TAOK3: variants seen among roughly 807,000 people sequenced by gnomAD.
TAOK3 encodes serine/threonine-protein kinase TAO3.
Under a neutral mutation model 120.4 loss-of-function variants are expected in TAOK3, and 40 were observed. The observed-to-expected ratio is 0.33, with a 90% CI of 0.26 to 0.43. The LOEUF (loss-of-function observed/expected upper bound fraction) is 0.43, where lower values mean the gene tolerates loss of function less well. Ranked by LOEUF, TAOK3 falls within the 20% of genes least tolerant of loss-of-function variation. The probability of loss-of-function intolerance (pLI) is 1.00; values close to 1 mark genes in which losing one functional copy is unlikely to be tolerated. For missense variants in TAOK3, 821 were observed against 1,112.1 expected (o/e 0.74, Z 3.72); for synonymous variants, 355 against 387.5 (o/e 0.92, Z 0.99).
intron 14 of TAOK3, among the ~76,000 whole-genome samples, chr12:118,188,716 T>C (rs2037227249): frequency 6.6e-6 from 1 of 152,066 alleles, no homozygotes; most frequent in South Asian, 2.1e-4. Context: ...ACAAGAAAAA[T>C]GATCATTTCT....
intron 14 of TAOK3, among the ~76,000 whole-genome samples, chr12:118,188,850 T>C (rs1319813169): frequency 6.6e-6 from 1 of 152,224 alleles, no homozygotes; most frequent in Non-Finnish European, 1.5e-5. Flanking sequence ...TTTCAATAAT[T>C]TTTTGGCTGA....
At chr12:118,307,151 T>C (rs1485096465) in intron 1 of TAOK3, among the ~76,000 whole-genome samples, 1 of 152,180 alleles carries the variant, frequency 6.6e-6, no homozygotes, top group African/African-American at 2.4e-5. Context: ...TCTTGACCAA[T>C]TGTGCAAGAA....
intron 1 of TAOK3, among the ~76,000 whole-genome samples, chr12:118,342,293 C>G (rs1179953771): frequency 2.0e-5 from 3 of 152,164 alleles, no homozygotes; most frequent in African/African-American, 2.4e-5. Flanking sequence ...AATTTGTTAA[C>G]AGATACTACT....
intron 6 of TAOK3, 142 bp downstream of exon 6, chr12:118,239,085 G>C: frequency 1.6e-6 from 1 of 640,960 alleles, no homozygotes; most frequent in Non-Finnish European, 2.8e-6. Flanking sequence ...TTGAAGAGAG[G>C]AAGTGTGCAT....
Position 118,219,505 on chromosome 12 carries a change from G to A in TAOK3, c.644-5395C>T, listed in dbSNP as rs142506405. Among the ~76,000 whole-genome samples, 1,080 of 151,996 alleles carry A rather than the reference G, an allele frequency of 7.1e-3. 7 individuals carry two copies. Among genetic ancestry groups the A allele is most frequent in the Middle Eastern group, 0.017 (5 of 294 alleles). Reference sequence around the variant, plus strand: ...TATGTGTTTATAATCACTTCCTCAGGGAAACCTTCCCTGACCTCTCAGACT... The same window carrying A: ...TATGTGTTTATAATCACTTCCTCAGAGAAACCTTCCCTGACCTCTCAGACT... On this transcript the variant is annotated intron_variant, in intron 9 of 20. Transcript: ENST00000392533.
At chr12:118,177,930 G>A (rs1313821939) in intron 15 of TAOK3, among the ~76,000 whole-genome samples, 1 of 152,188 alleles carries the variant, frequency 6.6e-6, no homozygotes, top group Non-Finnish European at 1.5e-5. Context: ...AACATTCATG[G>A]GATGAAAGGA....
At chr12:118,186,158 A>G (rs1215469830) in intron 14 of TAOK3, among the ~76,000 whole-genome samples, 1 of 152,118 alleles carries the variant, frequency 6.6e-6, no homozygotes, top group Non-Finnish European at 1.5e-5. Flanking sequence ...GAAGTAAAAG[A>G]CTCTATATTT....
At chr12:118,158,457 A>T (rs1019165356) in intron 19 of TAOK3, among the ~76,000 whole-genome samples, 2 of 152,172 alleles carry the variant, frequency 1.3e-5, no homozygotes, top group African/African-American at 4.8e-5. Context: ...TTAGTCAATT[A>T]TCCTTGCAGG....
chr12:118,272,389 T>C (rs7963735), intron 1 of TAOK3, among the ~76,000 whole-genome samples: 3,074 of 152,044 alleles, frequency 0.02, 103 homozygotes, highest in African/African-American at 0.07. Context: ...TCCCAGAAAC[T>C]TCAAGAAAGA....
chr12:118,364,078 G>A (rs879697696), intron 1 of TAOK3, among the ~76,000 whole-genome samples: 2 of 152,186 alleles, frequency 1.3e-5, no homozygotes, highest in African/African-American at 4.8e-5. Context: ...AGAGGTTGCA[G>A]TGAGTGGAGA....
At chr12:118,334,262 A>G (rs1412176586) in intron 1 of TAOK3, among the ~76,000 whole-genome samples, 1 of 152,176 alleles carries the variant, frequency 6.6e-6, no homozygotes, top group Non-Finnish European at 1.5e-5. Flanking sequence ...ATTGTGGTAT[A>G]TATATGTAGT....
intron 11 of TAOK3, among the ~76,000 whole-genome samples, chr12:118,205,259 C>T (rs2038236351): frequency 6.6e-6 from 1 of 151,422 alleles, no homozygotes; most frequent in Admixed American, 6.6e-5. Context: ...CCCAGGTACT[C>T]GGGAGGCTGA....
intron 9 of TAOK3, among the ~76,000 whole-genome samples, chr12:118,233,058 A>C (rs554695401): frequency 2.6e-5 from 4 of 152,084 alleles, no homozygotes; most frequent in Non-Finnish European, 4.4e-5. Context: ...TACACCATGG[A>C]ATACTATGCA....
At chr12:118,339,014 G>A (rs1022047016) in intron 1 of TAOK3, among the ~76,000 whole-genome samples, 3 of 151,958 alleles carry the variant, frequency 2.0e-5, no homozygotes, top group African/African-American at 7.3e-5. Flanking sequence ...AGAGTGTGGT[G>A]TGCTGCTTGA....
At chr12:118,250,346 A>G (rs764671486) in intron 3 of TAOK3, among the ~76,000 whole-genome samples, 3 of 152,202 alleles carry the variant, frequency 2.0e-5, no homozygotes, top group Admixed American at 6.5e-5. Flanking sequence ...TTCTCTGAAC[A>G]TAACATATAC....
At chr12:118,243,329 T>C in intron 5 of TAOK3, 86 bp downstream of exon 5, 1 of 721,090 alleles carries the variant, frequency 1.4e-6, no homozygotes, top group Non-Finnish European at 2.3e-6. Context: ...ATGAAATTAG[T>C]AATTTTACAG....
At chr12:118,370,032 G>A (rs918586744) in intron 1 of TAOK3, among the ~76,000 whole-genome samples, 11 of 149,252 alleles carry the variant, frequency 7.4e-5, no homozygotes, top group African/African-American at 2.6e-4. Flanking sequence ...ACACCACCAC[G>A]GCCATCTAAT....
At chr12:118,174,831 T>C (rs1372299533) in intron 16 of TAOK3, among the ~76,000 whole-genome samples, 1 of 152,020 alleles carries the variant, frequency 6.6e-6, no homozygotes, top group Non-Finnish European at 1.5e-5. Context: ...GCTCAGCTAA[T>C]TTTGTATTTT....
intron 1 of TAOK3, among the ~76,000 whole-genome samples, chr12:118,364,151 C>CAA (rs963521124): frequency 1.3e-5 from 2 of 151,952 alleles, no homozygotes; most frequent in Non-Finnish European, 2.9e-5. Context: ...AACAAACAAA[C>CAA]AAACAAATAA....
Sources: allele counts gnomAD v4.1 joint callset (sites outside exome capture counted in the v4.1 genomes callset), GRCh38; gene constraint gnomAD v4.1.1; transcripts MANE v1.5; gene names NCBI Gene and HGNC (gene_info 2026-07-23, HGNC 2026-07-21).